MAF: variants seen among roughly 807,000 people sequenced by gnomAD.
MAF encodes transcription factor Maf.
In MAF, 10 loss-of-function variants were observed where a neutral mutation model predicts 22.0. The observed-to-expected ratio is 0.45, with a 90% confidence interval of 0.28 to 0.77. The LOEUF (loss-of-function observed/expected upper bound fraction) is 0.77, where lower values mean the gene tolerates loss of function less well. Ranked by LOEUF, MAF falls within the 30% of genes least tolerant of loss-of-function variation. MAF has a pLI of 0.12. For missense variants in MAF, 544 were observed against 548.4 expected, an observed-to-expected ratio of 0.99 and a Z score of 0.08; for synonymous variants, 337 against 255.8, an observed-to-expected ratio of 1.32 and a Z score of -3.03.
At chr16:79,564,631 C>A in the MAF span, among the ~76,000 whole-genome samples, 2 of 152,190 alleles carry the variant, frequency 1.3e-5, no homozygotes, top group African/African-American at 2.4e-5. Flanking sequence ...CCTGTGGCAG[C>A]CCACAGTGGT....
At chr16:79,420,753 G>A in the MAF span, among the ~76,000 whole-genome samples, 4 of 152,256 alleles carry the variant, frequency 2.6e-5, no homozygotes, top group African/African-American at 4.8e-5. Flanking sequence ...TTTGAGGCTT[G>A]ACGCGGTGGC....
the MAF span, among the ~76,000 whole-genome samples, chr16:79,565,493 T>G: frequency 6.8e-6 from 1 of 146,292 alleles, no homozygotes; most frequent in African/African-American, 2.5e-5. Context: ...GGTCCCACAA[T>G]CTTCACGTGT....
the MAF span, among the ~76,000 whole-genome samples, chr16:79,463,108 G>GA: frequency 7.9e-5 from 12 of 152,196 alleles, no homozygotes; most frequent in Admixed American, 2.6e-4. Context: ...GAGGCAGAAG[G>GA]AAAAGCAAAT....
the MAF span, among the ~76,000 whole-genome samples, chr16:79,490,631 CAT>C: frequency 6.6e-6 from 1 of 151,174 alleles, no homozygotes; most frequent in African/African-American, 2.4e-5. Context: ...CACACTCACA[CAT>C]GCATAAATAT....
At chr16:79,243,661 C>T in the MAF span, among the ~76,000 whole-genome samples, 18,914 of 151,950 alleles carry the variant, frequency 0.12, 1,564 homozygotes, top group Middle Eastern at 0.21. Context: ...GTACCATTCC[C>T]TCTAAAACTA....
chr16:79,251,271 G>C, the MAF span, among the ~76,000 whole-genome samples: 2 of 151,530 alleles, frequency 1.3e-5, no homozygotes, highest in African/African-American at 4.9e-5. Flanking sequence ...TGTTTTCTAG[G>C]TGTGCAAATG....
chr16:79,555,807 T>C, the MAF span, among the ~76,000 whole-genome samples: 1 of 152,196 alleles, frequency 6.6e-6, no homozygotes, highest in African/African-American at 2.4e-5. Flanking sequence ...AACCCATTAA[T>C]AGTATTTCTA....
chr16:79,232,648 A>C, the MAF span, among the ~76,000 whole-genome samples: 1 of 151,932 alleles, frequency 6.6e-6, no homozygotes, highest in South Asian at 2.1e-4. Flanking sequence ...TTAGAAGTTA[A>C]ATCAAAATAA....
chr16:79,350,865 A>AGGTG, the MAF span, among the ~76,000 whole-genome samples: 6 of 94,898 alleles, frequency 6.3e-5, no homozygotes, highest in African/African-American at 2.5e-4. Context: ...TAACAGTGAG[A>AGGTG]AGTGTGTGTG....
chr16:79,523,307 T>C, the MAF span, among the ~76,000 whole-genome samples: 5 of 152,230 alleles, frequency 3.3e-5, no homozygotes, highest in Non-Finnish European at 4.4e-5. Context: ...GTGAACAGAA[T>C]GGATTCTTCT....
At chr16:79,231,881 G>A in the MAF span, among the ~76,000 whole-genome samples, 1 of 152,030 alleles carries the variant, frequency 6.6e-6, no homozygotes, top group African/African-American at 2.4e-5. Flanking sequence ...GAAGCCCTGA[G>A]CTTATTTTCC....
chr16:79,361,750 C>T, the MAF span, among the ~76,000 whole-genome samples: 1 of 151,640 alleles, frequency 6.6e-6, no homozygotes, highest in Non-Finnish European at 1.5e-5. Context: ...AAGTTCGGTG[C>T]TGAATCCCCC....
rs1555529827 is a variant in MAF, at chr16:79,599,135, G to C, written c.768C>G (p.His256Gln). The C allele has an allele frequency of 1.3e-6, 2 of 1,579,682 alleles. No homozygotes were observed. Among genetic ancestry groups the C allele is most frequent in the Non-Finnish European group, 1.7e-6 (2 of 1,169,546 alleles). The change falls in exon 1 of 2, where the codon CAC becomes CAG. Residue 256 changes from histidine (H) to glutamine (Q), a missense_variant. Transcript: ENST00000326043. The stretch of plus-strand genomic sequence containing the variant: ...GCTCGTCGGAGAAGCGGTCGTCGAA[G>C]TGCAGGCCGCCGGCGGCGTGGTGCG... ...LHPHHAAGGL[H>Q]FDDRFSDEQL...
At chr16:79,581,744 T>C (rs988051424), downstream of MAF, among the ~76,000 whole-genome samples, 2 of 152,160 alleles carry the variant, frequency 1.3e-5, no homozygotes, top group Non-Finnish European at 1.5e-5. Flanking sequence ...TGCCTTCACC[T>C]CTCTTTTTGG....
At chr16:79,509,761 T>C in the MAF span, among the ~76,000 whole-genome samples, 1 of 152,218 alleles carries the variant, frequency 6.6e-6, no homozygotes, top group Non-Finnish European at 1.5e-5. Flanking sequence ...GGTTTTGATA[T>C]CACTCCACTG....
chr16:79,218,710 T>C, the MAF span, among the ~76,000 whole-genome samples: 1 of 152,226 alleles, frequency 6.6e-6, no homozygotes, highest in Admixed American at 6.5e-5. Context: ...TCTTTCATTT[T>C]CCCACAGGAC....
chr16:79,544,129 G>A, the MAF span, among the ~76,000 whole-genome samples: 2 of 152,192 alleles, frequency 1.3e-5, no homozygotes, highest in South Asian at 2.1e-4. Flanking sequence ...ATGGTCAACC[G>A]TGGGGGGGAA....
At chr16:79,327,949 C>T in the MAF span, among the ~76,000 whole-genome samples, 2 of 152,204 alleles carry the variant, frequency 1.3e-5, no homozygotes, top group African/African-American at 4.8e-5. Context: ...ACGTGCAAAC[C>T]TTAGCTTTGC....
At chr16:79,466,881 C>T in the MAF span, among the ~76,000 whole-genome samples, 1 of 152,166 alleles carries the variant, frequency 6.6e-6, no homozygotes, top group Admixed American at 6.5e-5. Context: ...CATATGGACA[C>T]GGATCTGTGG....
Sources: gnomAD v4.1 joint callset for allele counts (sites outside exome capture counted in the v4.1 genomes callset) on GRCh38, gnomAD v4.1.1 for gene constraint, MANE v1.5 for transcripts, NCBI Gene and HGNC (gene_info 2026-07-23, HGNC 2026-07-21) for gene names.